Variants in EIF2A observed in about 807,000 individuals in gnomAD.
EIF2A encodes the protein eukaryotic translation initiation factor 2A.
A neutral mutation model predicts 75.2 loss-of-function variants in EIF2A; 62 were observed. The ratio of observed to expected loss-of-function variants is 0.82; its 90% CI spans 0.67 to 1.02. The LOEUF (loss-of-function observed/expected upper bound fraction) is 1.02. Among genes scored for constraint, EIF2A ranks in the 50% least tolerant of loss-of-function variants. EIF2A has a pLI of 0.00. For missense variants in EIF2A, 611 were observed against 677.7 expected, an observed-to-expected ratio of 0.90 and a Z score of 1.09; for synonymous variants, 207 against 239.0, an observed-to-expected ratio of 0.87 and a Z score of 1.23.
Position 150,584,035 on chromosome 3 carries a change from A to T in EIF2A, c.*124A>T. ...TGTCAATCTATAATTTTAACCATTT[A>T]TCCAAGATTCTACTAAGTGTAAAAT... is the stretch of plus-strand genomic sequence containing the variant. On this transcript the variant is annotated 3_prime_UTR_variant, in exon 14 of 14. Coordinates refer to ENST00000460851, the MANE Select transcript of EIF2A (RefSeq NM_032025.5). 1.2e-6 allele frequency: 1 copy of T among 867,138 alleles called. No individual in the cohort carries two copies. 53.7% of individuals were successfully genotyped at this position (867,138 alleles called of 1,614,324 possible).
intron 2 of EIF2A, among the ~76,000 whole-genome samples, chr3:150,553,238 G>A (rs1576587647): frequency 6.7e-6 from 1 of 150,224 alleles, no homozygotes; most frequent in South Asian, 2.1e-4. Context: ...CAGCAGAATC[G>A]CTTGAAACCC....
intron 6 of EIF2A, chr3:150,567,141 A>G (rs1204748153): frequency 6.6e-6 from 1 of 152,166 alleles, no homozygotes; most frequent in Non-Finnish European, 1.5e-5. Context: ...TTAGCTCTTG[A>G]TCTAATTAAC....
chr3:150,581,519 A>T, intron 11 of EIF2A, 99 bp from the exon 12 acceptor site: 2 of 1,356,822 alleles, frequency 1.5e-6, no homozygotes. Flanking sequence ...ATAAAATCAC[A>T]TATTTAGTTT....
intron 3 of EIF2A, among the ~76,000 whole-genome samples, chr3:150,561,413 A>T (rs1723844730): frequency 6.6e-6 from 1 of 152,160 alleles, no homozygotes. Context: ...CCCCGTCTCT[A>T]CCAAAAATAC....
intron 11 of EIF2A, among the ~76,000 whole-genome samples, chr3:150,578,569 T>A (rs1725003164): frequency 1.3e-5 from 2 of 152,098 alleles, no homozygotes; most frequent in South Asian, 2.1e-4. Flanking sequence ...CAGTTTTTTT[T>A]AAAAGAGCCA....
chr3:150,581,628 G>T lies in EIF2A; in HGVS notation c.1508G>T (p.Ser503Ile). 6.4e-7 allele frequency: 1 copy of T among 1,551,044 alleles called. No homozygotes were observed. The highest frequency in any genetic ancestry group is 8.7e-7 in the Non-Finnish European group (1 of 1,146,702). Reference sequence around the variant, plus strand: ...AAATATTTCCTGCAGGAAGCAAGAAGTGACAAGAGTCCAGATTTGGCACCT... The same window carrying T: ...AAATATTTCCTGCAGGAAGCAAGAATTGACAAGAGTCCAGATTTGGCACCT... ...AKKAAKQEARSDKSPDLAPTP... is the reference protein window; with the variant it reads ...AKKAAKQEARIDKSPDLAPTP... The change falls in exon 12 of 14, where the codon AGT becomes ATT. Residue 503 changes from serine to isoleucine, a missense_variant. Ser to Ile is a moderately radical substitution (Grantham distance 142). Coordinates refer to ENST00000460851, the MANE Select transcript of EIF2A (RefSeq NM_032025.5).
chr3:150,577,141 GT>G (rs1266675573), intron 11 of EIF2A, among the ~76,000 whole-genome samples: 2 of 152,148 alleles, frequency 1.3e-5, no homozygotes, highest in East Asian at 3.9e-4. Flanking sequence ...TCCTCCCATG[GT>G]GGAAGGGGCA....
rs1427157615 is a variant in EIF2A, at chr3:150,549,226, T to C, written c.28+2396T>C. Among the ~76,000 whole-genome samples, 6 of 150,756 alleles carry C rather than the reference T, an allele frequency of 4.0e-5. No homozygotes were observed. In the South Asian group the frequency reaches 6.3e-4, roughly 16 times the overall value. ...TTTTTCTTTCTTTCTTTCTTTCTTT[T>C]TTTTTTTTTTTGAGATAGTTTCGCT... On this transcript the variant is annotated intron_variant, in intron 1 of 13. Transcript: ENST00000460851.
Position 150,558,393 on chromosome 3 carries a change from C to G in EIF2A, c.104C>G (p.Ser35Cys). 6.6e-7 allele frequency: 1 copy of G among 1,515,060 alleles called. No individual in the cohort carries two copies. Among genetic ancestry groups the G allele is most frequent in the Non-Finnish European group, 8.8e-7 (1 of 1,140,174 alleles). 93.9% of individuals were successfully genotyped at this position (1,515,060 alleles called of 1,614,324 possible). Residue 35 changes from serine to cysteine, a missense_variant, in exon 3 of 14, where the codon TCT (serine) becomes TGT (cysteine). By Grantham distance (112) the Ser-to-Cys change is moderately radical (BLOSUM62 -1). Transcript: ENST00000460851. ...FTESTVFPRE[S>C]GKNCKVCIFS... The stretch of plus-strand genomic sequence containing the variant: ...TTTTTTTTTGTCATTTTCAGGGAAT[C>G]TGGGAAGAATTGCAAAGTCTGTATC...
Position 150,564,531 on chromosome 3 carries a change from T to C in EIF2A, c.475+150T>C, listed in dbSNP as rs529659693. On this transcript the variant is annotated intron_variant, in intron 6 of 13. Coordinates refer to ENST00000460851, the MANE Select transcript of EIF2A (RefSeq NM_032025.5). ...ATACATTTGCATAATTCTTTATAAG[T>C]CTGAATTCAGTGAAAATCTGTAACA... 1.3e-5 allele frequency: 7 copies of C among 528,358 alleles called. No individual in the cohort carries two copies. The East Asian group carries it at 2.4e-4, about 18-fold the overall frequency. The allele number at this position is 528,358 out of a possible 1,614,324, so 32.7% of individuals were successfully genotyped here. A position where few individuals can be genotyped will look rare whatever the true frequency, so the allele number is the denominator to read the frequency against.
intron 10 of EIF2A, among the ~76,000 whole-genome samples, chr3:150,574,559 G>C (rs1222506498): frequency 6.6e-6 from 1 of 152,220 alleles, no homozygotes; most frequent in Non-Finnish European, 1.5e-5. Context: ...AAAATGAAAT[G>C]AAAGAGCCTT....
chr3:150,572,114 G>A lies in EIF2A; in HGVS notation c.968G>A (p.Ser323Asn). 1 of 1,613,930 alleles carries A rather than the reference G, an allele frequency of 6.2e-7. No homozygotes were observed. The highest frequency in any genetic ancestry group is 8.5e-7 in the Non-Finnish European group (1 of 1,179,892). ...GTGPRNAAYY[S>N]PHGHILVLAG... ...GGTCCTCGTAATGCAGCCTACTATA[G>A]CCCTCATGGACATATATTAGTATTA... The change falls in exon 10 of 14, where the codon AGC becomes AAC. Residue 323 changes from serine (S) to asparagine (N), a missense_variant. Physicochemically the swap from Ser to Asn is conservative, Grantham distance 46 (BLOSUM62 1). Transcript: ENST00000460851.
intron 13 of EIF2A, 150 bp from the exon 14 acceptor site, chr3:150,583,696 C>G (rs1725319819): frequency 1.3e-6 from 1 of 748,370 alleles, no homozygotes; most frequent in African/African-American, 2.0e-5. Flanking sequence ...TACCAGATAA[C>G]AAATTAGAAT....
intron 9 of EIF2A, among the ~76,000 whole-genome samples, chr3:150,569,911 C>A (rs1724409567): frequency 6.6e-6 from 1 of 151,820 alleles, no homozygotes; most frequent in Admixed American, 6.6e-5. Context: ...AGAACAGAGT[C>A]CAGAAGTAGA....
At chr3:150,556,154 G>C (rs1723553090) in intron 2 of EIF2A, among the ~76,000 whole-genome samples, 1 of 152,146 alleles carries the variant, frequency 6.6e-6, no homozygotes, top group Admixed American at 6.5e-5. Context: ...TCTCTTCATT[G>C]AATAGTTGAG....
At chr3:150,550,272 G>A (rs916576885) in intron 1 of EIF2A, among the ~76,000 whole-genome samples, 1 of 152,116 alleles carries the variant, frequency 6.6e-6, no homozygotes, top group Non-Finnish European at 1.5e-5. Flanking sequence ...AGCTAACTAC[G>A]CATTGTATTT....
Position 150,581,598 on chromosome 3 carries a change from T to A in EIF2A, c.1498-20T>A, listed in dbSNP as rs1725177782. The A allele has an allele frequency of 1.3e-6, 2 of 1,546,632 alleles. No individual in the cohort carries two copies. The highest frequency in any genetic ancestry group is 1.4e-5 in the African/African-American group (1 of 72,742). On this transcript the variant is annotated intron_variant, in intron 11 of 13. Transcript: ENST00000460851. ...TGTTTTTGGCTTTTAAAATTGAATT[T>A]AAAAAAATATTTCCTGCAGGAAGCA...
chr3:150,574,696 G>T (rs1216099468), intron 10 of EIF2A, among the ~76,000 whole-genome samples: 1 of 152,168 alleles, frequency 6.6e-6, no homozygotes, highest in Non-Finnish European at 1.5e-5. Context: ...CTAAGATAAG[G>T]TCACTTTATG....
At chr3:150,559,060 A>G (rs1420820348) in intron 3 of EIF2A, among the ~76,000 whole-genome samples, 1 of 152,210 alleles carries the variant, frequency 6.6e-6, no homozygotes, top group Non-Finnish European at 1.5e-5. Context: ...TTCATAGACC[A>G]TGCAAATGCC....
Sources: gnomAD v4.1 joint callset for allele counts (sites outside exome capture counted in the v4.1 genomes callset) on GRCh38, gnomAD v4.1.1 for gene constraint, MANE v1.5 for transcripts, NCBI Gene and HGNC (gene_info 2026-07-23, HGNC 2026-07-21) for gene names.